The following FOXJ3 variants were observed in gnomAD, a reference collection of about 807,000 sequenced individuals.
FOXJ3 encodes forkhead box J3.
In FOXJ3, 22 loss-of-function variants were observed where a neutral mutation model predicts 76.1. That is an observed-to-expected ratio of 0.29 (90% CI 0.21 to 0.41). The LOEUF (loss-of-function observed/expected upper bound fraction) is 0.41, where lower values mean the gene tolerates loss of function less well. Among genes scored for constraint, FOXJ3 ranks in the 10% least tolerant of loss-of-function variants. The pLI is 1.00. For synonymous variants in FOXJ3, 269 were observed against 261.2 expected (o/e 1.03, Z -0.29); for missense variants, 613 against 762.1 (o/e 0.80, Z 2.30).
chr1:42,330,027 C>T (rs960622149), intron 1 of FOXJ3, among the ~76,000 whole-genome samples: 14 of 152,154 alleles, frequency 9.2e-5, no homozygotes, highest in Non-Finnish European at 8.8e-5. Context: ...CCCATTTCCT[C>T]ATCTGTAAAA....
intron 6 of FOXJ3, among the ~76,000 whole-genome samples, chr1:42,204,702 C>T (rs904330108): frequency 6.6e-6 from 1 of 151,038 alleles, no homozygotes; most frequent in Non-Finnish European, 1.5e-5. Flanking sequence ...ACTACCACCA[C>T]CCCCCACCCC....
chr1:42,323,746 G>A (rs1655567994), intron 1 of FOXJ3: 2 of 918,252 alleles, frequency 2.2e-6, no homozygotes, highest in Non-Finnish European at 2.6e-6. Flanking sequence ...AGAGATATAT[G>A]CTGAATAATC....
At chr1:42,275,103 C>T (rs1652162749) in intron 3 of FOXJ3, among the ~76,000 whole-genome samples, 1 of 152,186 alleles carries the variant, frequency 6.6e-6, no homozygotes, top group Non-Finnish European at 1.5e-5. Flanking sequence ...TGGAAGCACT[C>T]TGTGCTAAGG....
intron 5 of FOXJ3, among the ~76,000 whole-genome samples, chr1:42,211,184 G>A (rs1569879233): frequency 6.6e-6 from 1 of 152,100 alleles, no homozygotes; most frequent in African/African-American, 2.4e-5. Flanking sequence ...AGACACAGCT[G>A]GGGCCTCTCC....
intron 5 of FOXJ3, among the ~76,000 whole-genome samples, chr1:42,221,876 G>A (rs1255160210): frequency 2.1e-5 from 3 of 143,624 alleles, no homozygotes; most frequent in Non-Finnish European, 4.5e-5. Flanking sequence ...ACTTTGGGGG[G>A]CCAAGGCAAG....
chr1:42,275,959 T>C (rs980237774), intron 3 of FOXJ3, among the ~76,000 whole-genome samples: 3 of 152,148 alleles, frequency 2.0e-5, no homozygotes, highest in South Asian at 2.1e-4. Flanking sequence ...AAATAAATTA[T>C]TGAATGAATA....
chr1:42,185,888 A>G (rs1646425576), intron 11 of FOXJ3, among the ~76,000 whole-genome samples: 1 of 152,132 alleles, frequency 6.6e-6, no homozygotes, highest in Non-Finnish European at 1.5e-5. Context: ...GGAGGTGTTT[A>G]CCAAGCGGGT....
chr1:42,213,385 A>G (rs1362600902), intron 5 of FOXJ3, among the ~76,000 whole-genome samples: 2 of 152,150 alleles, frequency 1.3e-5, no homozygotes, highest in Non-Finnish European at 2.9e-5. Flanking sequence ...GGAGTGAAAA[A>G]AGATATTTCT....
At chr1:42,273,379 G>A (rs759698560) in intron 3 of FOXJ3, among the ~76,000 whole-genome samples, 9 of 152,004 alleles carry the variant, frequency 5.9e-5, no homozygotes, top group Non-Finnish European at 1.0e-4. Flanking sequence ...AATGAAAGAC[G>A]AAATCAGCTG....
chr1:42,291,847 T>C (rs1363469930), intron 2 of FOXJ3, among the ~76,000 whole-genome samples: 1 of 151,984 alleles, frequency 6.6e-6, no homozygotes, highest in Non-Finnish European at 1.5e-5. Flanking sequence ...CAAAACTCAA[T>C]GAGATGAGAA....
intron 2 of FOXJ3, among the ~76,000 whole-genome samples, chr1:42,286,174 T>C (rs1467534657): frequency 6.6e-6 from 1 of 152,248 alleles, no homozygotes; most frequent in Non-Finnish European, 1.5e-5. Context: ...TATCATGTAA[T>C]GTAAAATAAA....
chr1:42,316,349 T>TTTTTTTTTTTTTTC (rs1553169820), intron 1 of FOXJ3, among the ~76,000 whole-genome samples: 6,360 of 133,892 alleles, frequency 0.048, 517 homozygotes, highest in Non-Finnish European at 0.079. Context: ...TTTTTTTTTT[T>TTTTTTTTTTTTTTC]CTGTAGAAAC....
At chr1:42,283,695 CTTG>C (rs1652876544) in intron 2 of FOXJ3, among the ~76,000 whole-genome samples, 1 of 152,150 alleles carries the variant, frequency 6.6e-6, no homozygotes, top group Non-Finnish European at 1.5e-5. Flanking sequence ...AGGAGAAATT[CTTG>C]TTATTACCAC....
rs562465872 is a variant in FOXJ3 at position 42,231,405 on chromosome 1, G to A, written c.445-3439C>T. Among the ~76,000 whole-genome samples, 150 of 152,252 alleles carry A rather than the reference G, an allele frequency of 9.9e-4. 1 individual carries two copies. Among genetic ancestry groups the A allele is most frequent in the African/African-American group, 3.6e-3 (148 of 41,550 alleles). On this transcript the variant is annotated intron_variant, in intron 4 of 12. Transcript: ENST00000361346. ...AGTCACAGAAGGACAAATATTGTATGATTCCACTTATAAGTACTAAAATTC... is the reference window on the plus strand; with the variant it reads ...AGTCACAGAAGGACAAATATTGTATAATTCCACTTATAAGTACTAAAATTC...
intron 4 of FOXJ3, among the ~76,000 whole-genome samples, chr1:42,249,611 T>C (rs545504113): frequency 6.6e-6 from 1 of 152,228 alleles, no homozygotes; most frequent in South Asian, 2.1e-4. Context: ...CTTTTGAGAA[T>C]AGAACAGCGA....
chr1:42,202,737 T>C (rs1309197958), intron 6 of FOXJ3, among the ~76,000 whole-genome samples: 1 of 152,202 alleles, frequency 6.6e-6, no homozygotes, highest in East Asian at 1.9e-4. Flanking sequence ...GTTTTTGCCA[T>C]GTTGGCCAGG....
intron 2 of FOXJ3, among the ~76,000 whole-genome samples, chr1:42,301,994 T>C (rs1417987094): frequency 1.3e-5 from 2 of 152,148 alleles, no homozygotes; most frequent in East Asian, 1.9e-4. Flanking sequence ...TCAGAAGGTG[T>C]CTATAATATA....
At chr1:42,314,452 T>C (rs1410851957) in intron 1 of FOXJ3, among the ~76,000 whole-genome samples, 1 of 152,218 alleles carries the variant, frequency 6.6e-6, no homozygotes, top group Non-Finnish European at 1.5e-5. Flanking sequence ...TTCACCATGT[T>C]GGTCAGGCTG....
chr1:42,188,375 G>A (rs79290034), intron 11 of FOXJ3, among the ~76,000 whole-genome samples: 514 of 152,262 alleles, frequency 3.4e-3, no homozygotes, highest in African/African-American at 0.012. Context: ...AAGACACGTT[G>A]ATTTCCATTG....
Sources: gnomAD v4.1 joint callset for allele counts (sites outside exome capture counted in the v4.1 genomes callset) on GRCh38, gnomAD v4.1.1 for gene constraint, MANE v1.5 for transcripts, NCBI Gene and HGNC (gene_info 2026-07-23, HGNC 2026-07-21) for gene names.